LARGE1: variants seen among roughly 807,000 people sequenced by gnomAD.
The protein encoded by LARGE1 is xylosyl- and glucuronyltransferase LARGE1.
A neutral mutation model predicts 87.6 loss-of-function variants in LARGE1; 43 were observed. That is an observed-to-expected ratio of 0.49 (90% confidence interval 0.38 to 0.63). The LOEUF is 0.63. LARGE1 is among the 30% of genes least tolerant of loss of function. The pLI is 0.00. For missense variants in LARGE1, 802 were observed against 1,000.2 expected (o/e 0.80, Z 2.67); for synonymous variants, 434 against 394.6 (o/e 1.10, Z -1.18).
intron 6 of LARGE1, among the ~76,000 whole-genome samples, chr22:33,462,138 G>T (rs557942680): frequency 1.3e-5 from 2 of 152,114 alleles, no homozygotes; most frequent in Non-Finnish European, 1.5e-5. Context: ...AAATGACCAG[G>T]TGTATTTGAA....
At chr22:33,342,698 C>T (rs568819951) in intron 9 of LARGE1, among the ~76,000 whole-genome samples, 3 of 152,252 alleles carry the variant, frequency 2.0e-5, no homozygotes, top group Admixed American at 6.5e-5. Flanking sequence ...CACCGCAAGC[C>T]GTCTGTTAGC....
intron 11 of LARGE1, among the ~76,000 whole-genome samples, chr22:33,209,594 C>T (rs1029260826): frequency 6.6e-6 from 1 of 152,182 alleles, no homozygotes. Flanking sequence ...AATATTTGCT[C>T]TATGTACAAT....
At chr22:33,101,579 T>C in the LARGE1 span, among the ~76,000 whole-genome samples, 1 of 152,242 alleles carries the variant, frequency 6.6e-6, no homozygotes, top group Non-Finnish European at 1.5e-5. Context: ...CCCAGATGTC[T>C]GGCATTGGCG....
chr22:33,205,160 C>T (rs537455902), intron 11 of LARGE1, among the ~76,000 whole-genome samples: 2 of 152,302 alleles, frequency 1.3e-5, no homozygotes, highest in South Asian at 2.1e-4. Flanking sequence ...AGATGCTACC[C>T]CCTTCAAGCT....
chr22:33,569,595 T>C (rs934359300), intron 5 of LARGE1, among the ~76,000 whole-genome samples: 12 of 152,198 alleles, frequency 7.9e-5, no homozygotes, highest in Admixed American at 6.5e-4. Flanking sequence ...GTACATTTAT[T>C]ACAAATAGCT....
At chr22:33,598,210 C>G (rs1441481327) in intron 5 of LARGE1, among the ~76,000 whole-genome samples, 1 of 152,068 alleles carries the variant, frequency 6.6e-6, no homozygotes, top group East Asian at 1.9e-4. Context: ...GGATATTCAT[C>G]CTGGCTCTGC....
chr22:33,130,884 T>A, the LARGE1 span, among the ~76,000 whole-genome samples: 4 of 151,494 alleles, frequency 2.6e-5, no homozygotes, highest in South Asian at 8.4e-4. Context: ...ATACAAAAAA[T>A]TAGCCGGGCG....
chr22:33,379,419 C>T (rs940929425), intron 9 of LARGE1, among the ~76,000 whole-genome samples: 1 of 152,024 alleles, frequency 6.6e-6, no homozygotes, highest in African/African-American at 2.4e-5. Flanking sequence ...CTCTCTCCCC[C>T]ACCCCATGAC....
At chr22:33,921,071 G>C (rs1301370690), upstream of LARGE1, among the ~76,000 whole-genome samples, 2 of 150,586 alleles carry the variant, frequency 1.3e-5, no homozygotes, top group African/African-American at 4.8e-5. The surrounding 1 kb of genome is among the most constrained non-coding windows in gnomAD (Gnocchi z 4.1). Context: ...GGTTCCGAGC[G>C]GGGGCGGGGC....
intron 1 of LARGE1, among the ~76,000 whole-genome samples, chr22:33,844,778 T>C (rs985320801): frequency 6.6e-6 from 1 of 151,626 alleles, no homozygotes; most frequent in Non-Finnish European, 1.5e-5. Context: ...TGGAATGCAA[T>C]GGCACAATCT....
intron 9 of LARGE1, among the ~76,000 whole-genome samples, chr22:33,360,443 A>G (rs1002808628): frequency 6.7e-6 from 1 of 149,774 alleles, no homozygotes; most frequent in Non-Finnish European, 1.5e-5. Flanking sequence ...ACTTACAATC[A>G]TGGCAGAAGG....
At chr22:33,841,715 C>G (rs1190715387) in intron 1 of LARGE1, among the ~76,000 whole-genome samples, 1 of 152,196 alleles carries the variant, frequency 6.6e-6, no homozygotes, top group Non-Finnish European at 1.5e-5. Context: ...AATATCATCT[C>G]CACCAAAGTC....
chr22:33,342,007 G>A (rs1054445602), intron 9 of LARGE1, among the ~76,000 whole-genome samples: 1 of 152,154 alleles, frequency 6.6e-6, no homozygotes, highest in Non-Finnish European at 1.5e-5. Context: ...GAAACTATTC[G>A]ATGAGGCTTA....
At chr22:33,680,312 A>C (rs1315914455) in intron 2 of LARGE1, among the ~76,000 whole-genome samples, 1 of 152,098 alleles carries the variant, frequency 6.6e-6, no homozygotes, top group Non-Finnish European at 1.5e-5. Flanking sequence ...AACTTTTCTA[A>C]CTCCAGAATG....
rs573325744 is a variant in LARGE1 at position 33,824,489 on chromosome 22, A to T, written c.-82-62931T>A. Among the ~76,000 whole-genome samples the T allele has an allele frequency of 6.4e-4, 98 of 152,204 alleles. No homozygotes were observed. In the South Asian group the frequency reaches 0.02, roughly 31 times the overall value. On this transcript the variant is annotated intron_variant, in intron 1 of 14. Coordinates refer to ENST00000397394, the MANE Select transcript of LARGE1 (RefSeq NM_133642.5). ...GGAAGTCCACCCCCATGATTCAATC[A>T]CCTCCCTCCAAGCCCCTCCTCCAAC...
chr22:33,597,420 A>AG (rs147636361), intron 5 of LARGE1, among the ~76,000 whole-genome samples: 12,933 of 152,164 alleles, frequency 0.085, 681 homozygotes, highest in African/African-American at 0.14. Context: ...CAGATAGGGT[A>AG]GCAGCAGTTT....
chr22:33,384,061 C>A (rs2065245287), intron 8 of LARGE1, 131 bp downstream of exon 8: 6 of 768,878 alleles, frequency 7.8e-6, no homozygotes, highest in Non-Finnish European at 1.2e-5. Flanking sequence ...AAGAATAAGG[C>A]AGCTGTATCA....
chr22:33,477,471 C>G (rs528090157), intron 6 of LARGE1, among the ~76,000 whole-genome samples: 1 of 152,160 alleles, frequency 6.6e-6, no homozygotes, highest in African/African-American at 2.4e-5. Context: ...ATGTGTCAAT[C>G]TGTATTCCAA....
chr22:33,741,848 C>A (rs1428239649), intron 2 of LARGE1, among the ~76,000 whole-genome samples: 1 of 152,290 alleles, frequency 6.6e-6, no homozygotes, highest in Non-Finnish European at 1.5e-5. Context: ...TGCAAGAGAA[C>A]GTGAGTGGGT....
Sources: gnomAD v4.1 joint callset for allele counts (sites outside exome capture counted in the v4.1 genomes callset) on GRCh38, gnomAD v4.1.1 for gene constraint, Gnocchi (gnomAD v3.1) non-coding constraint, MANE v1.5 for transcripts, NCBI Gene and HGNC (gene_info 2026-07-23, HGNC 2026-07-21) for gene names.